RASGRF1: variants seen among roughly 807,000 people sequenced by gnomAD.
RASGRF1 encodes the protein ras-specific guanine nucleotide-releasing factor 1.
A neutral mutation model predicts 138.7 loss-of-function variants in RASGRF1; 40 were observed. The ratio of observed to expected loss-of-function variants is 0.29; its 90% CI spans 0.22 to 0.38. The LOEUF (loss-of-function observed/expected upper bound fraction) is 0.38. Among genes scored for constraint, RASGRF1 ranks in the 10% least tolerant of loss-of-function variants. RASGRF1 has a pLI of 1.00. For synonymous variants in RASGRF1, 614 were observed against 663.2 expected (o/e 0.93, Z 1.14); for missense variants, 1,108 against 1,650.4 (o/e 0.67, Z 5.69).
chr15:78,971,447 G>A (rs1427719449), intron 26 of RASGRF1, among the ~76,000 whole-genome samples: 1 of 152,224 alleles, frequency 6.6e-6, no homozygotes, highest in Non-Finnish European at 1.5e-5. Context: ...TGTGTTTATG[G>A]ATTGCCTGTG....
chr15:78,987,722 A>C (rs764925597), intron 22 of RASGRF1, among the ~76,000 whole-genome samples: 16 of 151,574 alleles, frequency 1.1e-4, no homozygotes, highest in East Asian at 9.7e-4. Flanking sequence ...AACAAAAAAA[A>C]CCAAAAAACC....
At chr15:78,971,487 T>C (rs918409061) in intron 26 of RASGRF1, among the ~76,000 whole-genome samples, 2 of 152,234 alleles carry the variant, frequency 1.3e-5, no homozygotes, top group Non-Finnish European at 2.9e-5. Flanking sequence ...GGCGGAAATG[T>C]TGCCTTTGGA....
chr15:79,024,441 C>T (rs1378706181), intron 10 of RASGRF1, among the ~76,000 whole-genome samples: 1 of 152,040 alleles, frequency 6.6e-6, no homozygotes, highest in Non-Finnish European at 1.5e-5. Flanking sequence ...ACACACCACA[C>T]ACACAGACAC....
intron 13 of RASGRF1, among the ~76,000 whole-genome samples, chr15:79,008,089 C>T (rs1014615831): frequency 6.6e-6 from 1 of 152,222 alleles, no homozygotes; most frequent in Non-Finnish European, 1.5e-5. Context: ...GATCCACCTG[C>T]CTTGGCCTCC....
intron 8 of RASGRF1, among the ~76,000 whole-genome samples, chr15:79,028,342 T>C (rs2057090273): frequency 6.6e-6 from 1 of 152,170 alleles, no homozygotes; most frequent in South Asian, 2.1e-4. Flanking sequence ...TTGAATGCTC[T>C]TTCTCCAAAT....
intron 5 of RASGRF1, among the ~76,000 whole-genome samples, chr15:79,045,522 C>G (rs1280337812): frequency 6.6e-6 from 1 of 152,200 alleles, no homozygotes. Flanking sequence ...GATTTGGTCT[C>G]GAAAGGTCTC....
intron 15 of RASGRF1, among the ~76,000 whole-genome samples, chr15:79,003,095 T>C (rs1302274470): frequency 6.6e-6 from 1 of 152,150 alleles, no homozygotes; most frequent in South Asian, 2.1e-4. Context: ...CCTGGAATCA[T>C]CTCCAGCCTG....
In RASGRF1 at chr15:79,006,257, G is replaced by A; in HGVS notation, c.2004C>T (p.Phe668=). The change falls in exon 14 of 27, where the codon TTC becomes TTT. Residue 668 remains phenylalanine, a synonymous_variant. Transcript: ENST00000558480. The surrounding 1 kb of genome is among the most constrained non-coding windows in gnomAD (Gnocchi z 4.0). The part of the protein sequence containing the change: ...LNTFLHSYRV[F]TTAIVVLDKL... ...TGTCCAGGACCACGATGGCGGTGGT[G>A]AAGACGCGGTAGGAGTGCAGGAAGG... 6.2e-7 allele frequency: 1 copy of A among 1,614,216 alleles called. No individual in the cohort carries two copies. The highest frequency in any genetic ancestry group is 8.5e-7 in the Non-Finnish European group (1 of 1,180,044).
intron 19 of RASGRF1, 51 bp from the exon 20 acceptor site, chr15:78,995,851 C>A (rs780893396): frequency 7.5e-6 from 12 of 1,590,290 alleles, no homozygotes; most frequent in Admixed American, 5.0e-5. Context: ...TTGCAGCAGC[C>A]CCTCCCCAGC....
Position 79,078,992 on chromosome 15 carries a change from T to C in RASGRF1, c.276+11231A>G, listed in dbSNP as rs78080014. ...GGTGGGAGGAGATTCAGGAAGTGACTGCAACCTCAGGGCTTAGAAGCCCTT... is the reference window on the plus strand; with the variant it reads ...GGTGGGAGGAGATTCAGGAAGTGACCGCAACCTCAGGGCTTAGAAGCCCTT... On this transcript the variant is annotated intron_variant, in intron 1 of 26. Transcript: ENST00000558480. Among the ~76,000 whole-genome samples, 1,301 of 152,342 alleles carry C rather than the reference T, an allele frequency of 8.5e-3. 27 individuals are homozygous for C. The highest frequency in any genetic ancestry group is 0.029 in the African/African-American group (1,216 of 41,582).
At chr15:79,079,089 G>A (rs528321694) in intron 1 of RASGRF1, among the ~76,000 whole-genome samples, 1 of 152,382 alleles carries the variant, frequency 6.6e-6, no homozygotes, top group Non-Finnish European at 1.5e-5. Context: ...GCCCATGTCA[G>A]TGTAGGCCTC....
chr15:79,058,610 C>G (rs551913558), intron 2 of RASGRF1, 129 bp from the exon 3 acceptor site: 2 of 1,219,948 alleles, frequency 1.6e-6, no homozygotes, highest in African/African-American at 1.5e-5. Context: ...CTCCCAGCAC[C>G]CTGCAGAGTG....
Position 78,989,590 on chromosome 15 carries a change from C to T in RASGRF1, c.3216+599G>A. ...AATTAAACATTCTCTTTAGTGTTAT[C>T]CCAAAAGACCATCTTACCACAAGAA... On this transcript the variant is annotated intron_variant, in intron 22 of 26. Coordinates refer to ENST00000558480, the MANE Select transcript of RASGRF1 (RefSeq NM_001145648.3). Among the ~76,000 whole-genome samples, 2 of 152,168 alleles carry T rather than the reference C, an allele frequency of 1.3e-5. 1 individual carries two copies. Among genetic ancestry groups the T allele is most frequent in the South Asian group, 4.2e-4 (2 of 4,816 alleles).
At chr15:79,069,809 C>T (rs2057730794) in intron 1 of RASGRF1, among the ~76,000 whole-genome samples, 1 of 152,202 alleles carries the variant, frequency 6.6e-6, no homozygotes, top group African/African-American at 2.4e-5. Context: ...TCCTCACCCA[C>T]TGCCAACGTT....
intron 20 of RASGRF1, among the ~76,000 whole-genome samples, chr15:78,994,159 C>T (rs542976246): frequency 1.2e-4 from 19 of 152,266 alleles, no homozygotes; most frequent in East Asian, 1.2e-3. Context: ...TTTCAGCTGC[C>T]GAGAGGAGTA....
At chr15:79,070,930 C>T (rs1271756992) in intron 1 of RASGRF1, among the ~76,000 whole-genome samples, 1 of 152,118 alleles carries the variant, frequency 6.6e-6, no homozygotes, top group Non-Finnish European at 1.5e-5. Context: ...CTGAATTGCC[C>T]ATCTCGTGGG....
intron 26 of RASGRF1, among the ~76,000 whole-genome samples, chr15:78,964,068 G>A (rs2055597266): frequency 6.6e-6 from 1 of 151,940 alleles, no homozygotes; most frequent in Admixed American, 6.6e-5. Context: ...ACTTGGCTAA[G>A]TCAGGCTAAT....
At chr15:79,012,002 C>T (rs142142048) in intron 13 of RASGRF1, among the ~76,000 whole-genome samples, 86 of 150,650 alleles carry the variant, frequency 5.7e-4, no homozygotes, top group African/African-American at 2.0e-3. Flanking sequence ...GGTGACAGAG[C>T]GAGACCCTGT....
Position 79,090,723 on chromosome 15 carries a change from C to T in RASGRF1, c.-225G>A. 5 of 621,696 alleles carry T rather than the reference C, an allele frequency of 8.0e-6. No individual in the cohort carries two copies. Among genetic ancestry groups the T allele is most frequent in the Non-Finnish European group, 1.3e-5 (5 of 374,802 alleles). 38.5% of individuals were successfully genotyped at this position (621,696 alleles called of 1,614,324 possible). A position where few individuals can be genotyped will look rare whatever the true frequency, so the allele number is the denominator to read the frequency against. ...GAACCTCTTCTCCGCTCCGCAGAGCCCCAGTACCCGGAAGATGCCGCCCGA... is the reference window on the plus strand; with the variant it reads ...GAACCTCTTCTCCGCTCCGCAGAGCTCCAGTACCCGGAAGATGCCGCCCGA... On this transcript the variant is annotated 5_prime_UTR_variant, in exon 1 of 27. Coordinates refer to ENST00000558480, the MANE Select transcript of RASGRF1 (RefSeq NM_001145648.3).
Sources: allele counts gnomAD v4.1 joint callset (sites outside exome capture counted in the v4.1 genomes callset), GRCh38; gene constraint gnomAD v4.1.1; non-coding constraint Gnocchi (gnomAD v3.1); transcripts MANE v1.5; gene names NCBI Gene and HGNC (gene_info 2026-07-23, HGNC 2026-07-21).